Variants in FRMD4A observed in about 807,000 individuals in gnomAD.
FRMD4A encodes the protein FERM domain containing 4A.
Under a neutral mutation model 129.1 loss-of-function variants are expected in FRMD4A, and 29 were observed. The ratio of observed to expected loss-of-function variants is 0.22; its 90% CI spans 0.17 to 0.31. The LOEUF is 0.31. Ranked by LOEUF, FRMD4A falls within the 10% of genes least tolerant of loss-of-function variation. FRMD4A has a pLI of 1.00. For missense variants in FRMD4A, 1,272 were observed against 1,375.8 expected (o/e 0.92, Z 1.19); for synonymous variants, 634 against 571.6 (o/e 1.11, Z -1.56).
chr10:14,172,531 G>T (rs996190639), intron 2 of FRMD4A, among the ~76,000 whole-genome samples: 1 of 152,176 alleles, frequency 6.6e-6, no homozygotes, highest in East Asian at 1.9e-4. Context: ...TTGTACTCGC[G>T]TGAGGTTAGG....
intron 2 of FRMD4A, chr10:14,007,494 A>C (rs1204756398): frequency 6.6e-6 from 1 of 152,460 alleles, no homozygotes; most frequent in African/African-American, 2.4e-5. Flanking sequence ...GGAAATTAAC[A>C]GAGTAATTTT....
chr10:13,967,039 G>A (rs958603362), intron 2 of FRMD4A, among the ~76,000 whole-genome samples: 1 of 152,162 alleles, frequency 6.6e-6, no homozygotes, highest in Admixed American at 6.5e-5. Context: ...ATGCACAGGC[G>A]TAAGAATGAC....
intron 2 of FRMD4A, among the ~76,000 whole-genome samples, chr10:14,147,073 G>T (rs1840109514): frequency 6.6e-6 from 1 of 152,194 alleles, no homozygotes; most frequent in Non-Finnish European, 1.5e-5. Context: ...TGCCAGACAG[G>T]TAGGTTCATT....
chr10:13,959,135 C>T (rs765844060), intron 2 of FRMD4A, among the ~76,000 whole-genome samples: 5 of 152,144 alleles, frequency 3.3e-5, no homozygotes, highest in African/African-American at 7.2e-5. Context: ...AAAGTCCCCT[C>T]TCCCTGCAAC....
chr10:13,888,033 C>T (rs1007182296), intron 2 of FRMD4A, among the ~76,000 whole-genome samples: 4 of 152,164 alleles, frequency 2.6e-5, no homozygotes, highest in Non-Finnish European at 5.9e-5. Context: ...GCATTGAAAC[C>T]GTCTGGCCTT....
At chr10:13,937,500 C>T (rs918216568) in intron 2 of FRMD4A, among the ~76,000 whole-genome samples, 4 of 152,048 alleles carry the variant, frequency 2.6e-5, no homozygotes, top group Admixed American at 6.6e-5. Context: ...ATATGATCAC[C>T]GATAAAGAGG....
At position 14,128,047 on chromosome 10, in the gene FRMD4A, T is replaced by TTC. The variant is rs1320838660; in HGVS notation, c.45+202010_45+202011insGA. On this transcript the variant is annotated intron_variant, in intron 2 of 24. Coordinates refer to ENST00000357447, the MANE Select transcript of FRMD4A (RefSeq NM_018027.5). ...TCCTTCCTTCCTTCCTTTCTTTCCC[T>TTC]CTTTCTTTCTTTCTTTCTTTCTTTC... is the stretch of plus-strand genomic sequence containing the variant. Among the ~76,000 whole-genome samples the TTC allele has an allele frequency of 5.0e-3, 88 of 17,632 alleles. 5 individuals carry two copies. The highest frequency in any genetic ancestry group is 5.7e-3 in the Non-Finnish European group (55 of 9,586). The allele number at this position is 17,632 out of a possible 152,430, so 11.6% of individuals were successfully genotyped here.
At chr10:14,128,007 TCTTTCTTCCTTCCTTC>T (rs1838992708) in intron 2 of FRMD4A, among the ~76,000 whole-genome samples, 1 of 95,688 alleles carries the variant, frequency 1.0e-5, no homozygotes, top group African/African-American at 4.4e-5. Flanking sequence ...TCTCTTTCTT[TCTTTCTTCCTTCCTTC>T]CTTCCTTCCT....
At chr10:13,978,363 C>G (rs2095549326) in intron 2 of FRMD4A, among the ~76,000 whole-genome samples, 2 of 152,204 alleles carry the variant, frequency 1.3e-5, no homozygotes, top group South Asian at 4.2e-4. Flanking sequence ...TACAGAAGAG[C>G]CCAGAATGTC....
At chr10:13,874,055 G>A (rs1175865623) in intron 2 of FRMD4A, among the ~76,000 whole-genome samples, 2 of 149,924 alleles carry the variant, frequency 1.3e-5, no homozygotes, top group Non-Finnish European at 3.0e-5. Flanking sequence ...AGACCAGCCT[G>A]GCCAACATGG....
At chr10:14,015,091 C>T (rs1420700596) in intron 2 of FRMD4A, among the ~76,000 whole-genome samples, 1 of 123,664 alleles carries the variant, frequency 8.1e-6, no homozygotes, top group African/African-American at 3.1e-5. Flanking sequence ...TCTCTCTTTC[C>T]CTCCCTCCCA....
intron 2 of FRMD4A, among the ~76,000 whole-genome samples, chr10:14,137,712 C>A (rs56371922): frequency 0.25 from 38,008 of 152,126 alleles, 5,671 homozygotes; most frequent in East Asian, 0.55. Context: ...CATCTCTCTT[C>A]ATTAGCCATC....
chr10:14,278,910 C>A (rs1394540768), intron 2 of FRMD4A, among the ~76,000 whole-genome samples: 1 of 152,186 alleles, frequency 6.6e-6, no homozygotes, highest in Non-Finnish European at 1.5e-5. Flanking sequence ...GGATTTCTTT[C>A]TTCTAGCTAA....
At chr10:13,750,942 G>A (rs77840082) in intron 8 of FRMD4A, among the ~76,000 whole-genome samples, 1,771 of 152,228 alleles carry the variant, frequency 0.012, 34 homozygotes, top group African/African-American at 0.04. Context: ...ATGAATTTCC[G>A]GATCTTCTCT....
intron 2 of FRMD4A, among the ~76,000 whole-genome samples, chr10:14,269,822 C>A (rs1024272124): frequency 6.6e-6 from 1 of 152,128 alleles, no homozygotes; most frequent in Non-Finnish European, 1.5e-5. Flanking sequence ...TGAATCACTG[C>A]ATTAATTATT....
chr10:13,684,453 C>G (rs535301323), intron 15 of FRMD4A: 12 of 985,354 alleles, frequency 1.2e-5, no homozygotes, highest in South Asian at 4.7e-5. Context: ...AGCCGGGGAA[C>G]TCCAGACTCC....
At chr10:13,648,164 ATACTGGTGGATTT>A (rs1366102001) in intron 24 of FRMD4A, 1 of 152,226 alleles carries the variant, frequency 6.6e-6, no homozygotes, top group Non-Finnish European at 1.5e-5. Flanking sequence ...ATCTGTGCAT[ATACTGGTGGATTT>A]TAATGAGAGT....
At chr10:13,771,228 C>T (rs1367590881) in intron 6 of FRMD4A, among the ~76,000 whole-genome samples, 1 of 152,140 alleles carries the variant, frequency 6.6e-6, no homozygotes, top group Non-Finnish European at 1.5e-5. Flanking sequence ...ATGTGTGCCA[C>T]CATGCCTGGC....
chr10:13,902,456 G>GGAGAGAGAGAAA (rs1554963858), intron 2 of FRMD4A, among the ~76,000 whole-genome samples: 2 of 127,700 alleles, frequency 1.6e-5, no homozygotes, highest in East Asian at 4.5e-4. Flanking sequence ...GCAAAATACT[G>GGAGAGAGAGAAA]GAGAGAGAGA....
Sources: allele counts gnomAD v4.1 joint callset (sites outside exome capture counted in the v4.1 genomes callset), GRCh38; gene constraint gnomAD v4.1.1; transcripts MANE v1.5; gene names NCBI Gene and HGNC (gene_info 2026-07-23, HGNC 2026-07-21).